Variants in PDLIM3 observed in about 807,000 individuals in gnomAD.
The protein encoded by PDLIM3 is PDZ and LIM domain 3.
A neutral mutation model predicts 37.3 loss-of-function variants in PDLIM3; 36 were observed. The observed-to-expected ratio is 0.97, with a 90% CI of 0.74 to 1.28. The LOEUF (loss-of-function observed/expected upper bound fraction) is 1.28. Ranked by LOEUF, PDLIM3 falls within the 50% of genes most tolerant of loss-of-function variation. The probability of loss-of-function intolerance (pLI) is 0.00; values close to 1 mark genes in which losing one functional copy is unlikely to be tolerated. For synonymous variants in PDLIM3, 174 were observed against 182.4 expected, an observed-to-expected ratio of 0.95 and a Z score of 0.37; for missense variants, 454 against 485.0, an observed-to-expected ratio of 0.94 and a Z score of 0.60.
Position 185,500,729 on chromosome 4 carries a change from G to A in PDLIM3, c.*1565C>T, listed in dbSNP as rs1350014834. On this transcript the variant is annotated 3_prime_UTR_variant, in exon 8 of 8. Coordinates refer to ENST00000284767, the MANE Select transcript of PDLIM3 (RefSeq NM_014476.6). ...TTAGTGAATGCATGTGTTGGCACAG[G>A]AGTTGCAATGTCAAATGCCTACAGG... The A allele has an allele frequency of 6.6e-6, 1 of 152,154 alleles. No homozygotes were observed. Among genetic ancestry groups the A allele is most frequent in the Non-Finnish European group, 1.5e-5 (1 of 68,032 alleles). 9.4% of individuals were successfully genotyped at this position (152,154 alleles called of 1,614,324 possible). A position where few individuals can be genotyped will look rare whatever the true frequency, so the allele number is the denominator to read the frequency against.
intron 3 of PDLIM3, among the ~76,000 whole-genome samples, chr4:185,522,588 CAT>C (rs2095724585): frequency 1.5e-5 from 1 of 66,772 alleles, no homozygotes; most frequent in African/African-American, 2.7e-5. Context: ...TTAGCAGGAA[CAT>C]GTGTTTCAAA....
Position 185,501,045 on chromosome 4 carries a change from G to C in PDLIM3, c.*1249C>G, listed in dbSNP as rs75435241. On this transcript the variant is annotated 3_prime_UTR_variant, in exon 8 of 8. Coordinates refer to ENST00000284767, the MANE Select transcript of PDLIM3 (RefSeq NM_014476.6). ...AGAAGTTCCTGTACGTCCCCAGTGG[G>C]GGACATGGAAAGTAGGTGAGAGATG... is the stretch of plus-strand genomic sequence containing the variant. 1 of 152,422 alleles carries C rather than the reference G, an allele frequency of 6.6e-6. No homozygotes were observed. The highest frequency in any genetic ancestry group is 1.5e-5 in the Non-Finnish European group (1 of 68,138). The allele number at this position is 152,422 out of a possible 1,614,324, so 9.4% of individuals were successfully genotyped here.
At chr4:185,509,855 C>T (rs7682076) in intron 4 of PDLIM3, among the ~76,000 whole-genome samples, 4,522 of 152,206 alleles carry the variant, frequency 0.03, 221 homozygotes, top group African/African-American at 0.1. Flanking sequence ...CAGTAACTTT[C>T]TCTACTCCAG....
intron 1 of PDLIM3, among the ~76,000 whole-genome samples, chr4:185,529,492 C>T (rs532985473): frequency 2.0e-5 from 3 of 152,310 alleles, no homozygotes; most frequent in East Asian, 1.9e-4. Flanking sequence ...ACGGTAGGCA[C>T]GGACCAAAAT....
intron 6 of PDLIM3, among the ~76,000 whole-genome samples, chr4:185,505,478 G>A (rs375626967): frequency 1.3e-5 from 2 of 152,092 alleles, no homozygotes; most frequent in Non-Finnish European, 2.9e-5. Context: ...AAAATTAGCC[G>A]GGCGCGGTGG....
At chr4:185,531,926 T>TAAAAAAAAA (rs33963949) in intron 1 of PDLIM3, among the ~76,000 whole-genome samples, 1 of 105,916 alleles carries the variant, frequency 9.4e-6, no homozygotes, top group Admixed American at 1.0e-4. Flanking sequence ...CTATCTCTAC[T>TAAAAAAAAA]AAAAAAAAAA....
At chr4:185,502,597 T>G (rs1248698847) in intron 7 of PDLIM3, 114 bp from the exon 8 acceptor site, 1 of 944,234 alleles carries the variant, frequency 1.1e-6, no homozygotes, top group Non-Finnish European at 1.7e-6. Flanking sequence ...CAGGAAACAA[T>G]GGCCTCCAGC....
chr4:185,507,728 C>G (rs1241682913), intron 5 of PDLIM3, among the ~76,000 whole-genome samples: 1 of 152,002 alleles, frequency 6.6e-6, no homozygotes. Context: ...AAGAGACCAG[C>G]AAAAATTAAA....
At chr4:185,505,748 A>G (rs534988271) in intron 6 of PDLIM3, among the ~76,000 whole-genome samples, 1 of 152,222 alleles carries the variant, frequency 6.6e-6, no homozygotes, top group South Asian at 2.1e-4. Flanking sequence ...AGGAGCTGCC[A>G]TCCTCTCCCA....
At chr4:185,506,404 G>T in intron 6 of PDLIM3, 118 bp downstream of exon 6, 3 of 1,343,424 alleles carry the variant, frequency 2.2e-6, no homozygotes, top group Non-Finnish European at 3.2e-6. Flanking sequence ...AATTCATTTG[G>T]CTCCCAATGA....
intron 1 of PDLIM3, among the ~76,000 whole-genome samples, chr4:185,532,150 CT>C (rs543178255): frequency 1.1e-4 from 17 of 152,268 alleles, no homozygotes; most frequent in African/African-American, 3.8e-4. Context: ...ACAATTCTCA[CT>C]TATCTTTTTG....
intron 3 of PDLIM3, chr4:185,515,101 A>G (rs1025206279): frequency 2.5e-6 from 1 of 404,838 alleles, no homozygotes; most frequent in Non-Finnish European, 4.4e-6. Flanking sequence ...TAAGGTGAAA[A>G]GGAACTGACC....
chr4:185,522,774 T>C (rs2095724740), intron 3 of PDLIM3, among the ~76,000 whole-genome samples: 1 of 67,036 alleles, frequency 1.5e-5, no homozygotes, highest in Admixed American at 1.7e-4. Flanking sequence ...ATGATTAGTT[T>C]AGTTTATTAC....
rs1166884864 is a variant in PDLIM3 at position 185,506,592 on chromosome 4, C to G, written c.723G>C (p.Arg241=). 2.5e-6 allele frequency: 4 copies of G among 1,612,284 alleles called. No individual in the cohort carries two copies. The highest frequency in any genetic ancestry group is 3.4e-6 in the Non-Finnish European group (4 of 1,180,022). ...SDVYRMLHDN[R]NEPTQPRQSG... ...ACTGGCGAGGCTGTGTGGGCTCATT[C>G]CGATTGTCGTGGAGCATCCGGTACA... is the stretch of plus-strand genomic sequence containing the variant. Residue 241 remains arginine (R), a synonymous_variant, in exon 6 of 8, where the codon CGG becomes CGC. Coordinates refer to ENST00000284767, the MANE Select transcript of PDLIM3 (RefSeq NM_014476.6).
Position 185,510,337 on chromosome 4 carries a change from G to A in PDLIM3, c.399-1775C>T, listed in dbSNP as rs1012587192. On this transcript the variant is annotated intron_variant, in intron 4 of 7. Coordinates refer to ENST00000284767, the MANE Select transcript of PDLIM3 (RefSeq NM_014476.6). ...CTACTGTGTGCCAGACATAGTGCCC[G>A]TACTGGGTAGATAAACAATGATCAA... is the stretch of plus-strand genomic sequence containing the variant. Among the ~76,000 whole-genome samples, 7 of 152,214 alleles carry A rather than the reference G, an allele frequency of 4.6e-5. No homozygotes were observed. The South Asian group carries it at 1.0e-3, about 23-fold the overall frequency.
chr4:185,525,271 T>A, intron 1 of PDLIM3, 100 bp from the exon 2 acceptor site: 1 of 1,156,162 alleles, frequency 8.6e-7, no homozygotes, highest in Non-Finnish European at 1.3e-6. Flanking sequence ...TTTAAATGTT[T>A]AATTGGGCAG....
intron 3 of PDLIM3, chr4:185,515,498 ACT>A (rs1256075140): frequency 2.6e-5 from 4 of 152,044 alleles, no homozygotes; most frequent in African/African-American, 4.8e-5. Flanking sequence ...CAAGTGAGAG[ACT>A]CTTTTTATGA....
chr4:185,519,961 C>A (rs1224215135), intron 3 of PDLIM3, among the ~76,000 whole-genome samples: 9 of 152,140 alleles, frequency 5.9e-5, no homozygotes, highest in African/African-American at 4.8e-5. Context: ...CAGAAGATTG[C>A]TGTATTTGCA....
intron 1 of PDLIM3, among the ~76,000 whole-genome samples, chr4:185,533,265 TACA>T (rs899193242): frequency 3.3e-5 from 5 of 152,198 alleles, no homozygotes; most frequent in Admixed American, 2.6e-4. Context: ...TTAAAAGCAG[TACA>T]ACAATTCACC....
Sources: gnomAD v4.1 joint callset for allele counts (sites outside exome capture counted in the v4.1 genomes callset) on GRCh38, gnomAD v4.1.1 for gene constraint, MANE v1.5 for transcripts, NCBI Gene and HGNC (gene_info 2026-07-23, HGNC 2026-07-21) for gene names.